DTNA: variants seen among roughly 807,000 people sequenced by gnomAD.
The protein encoded by DTNA is dystrobrevin alpha.
DTNA carries 43 observed loss-of-function variants against 100.7 expected under a neutral mutation model. The ratio of observed to expected loss-of-function variants is 0.43; its 90% confidence interval spans 0.33 to 0.55. DTNA has a LOEUF of 0.55. Among genes scored for constraint, DTNA ranks in the 20% least tolerant of loss-of-function variants. DTNA has a pLI of 0.04. For synonymous variants in DTNA, 349 were observed against 347.9 expected, an observed-to-expected ratio of 1.00 and a Z score of -0.04; for missense variants, 798 against 953.9, an observed-to-expected ratio of 0.84 and a Z score of 2.15.
intron 2 of DTNA, among the ~76,000 whole-genome samples, chr18:34,762,755 C>T (rs891732687): frequency 6.6e-6 from 1 of 152,138 alleles, no homozygotes; most frequent in African/African-American, 2.4e-5. Context: ...TCACCACATC[C>T]CTTTTAATAT....
In DTNA at chr18:34,888,968, T is replaced by C; in HGVS notation, c.*1234T>C. ...CTCTTCTAAGTTGAGTTGGGATTTT[T>C]GCACTCAGTGAAAAGCTGAAGTGCA... On this transcript the variant is annotated 3_prime_UTR_variant, in exon 23 of 23. Transcript: ENST00000444659. 1.0e-6 allele frequency: 1 copy of C among 985,876 alleles called. No homozygotes were observed. The highest frequency in any genetic ancestry group is 1.2e-6 in the Non-Finnish European group (1 of 829,944). The allele number at this position is 985,876 out of a possible 1,614,324, so 61.1% of individuals were successfully genotyped here. A position where few individuals can be genotyped will look rare whatever the true frequency, so the allele number is the denominator to read the frequency against.
rs181338914 is a variant in DTNA, at chr18:34,770,939, C to T, written c.148+4898C>T. 3.7e-4 allele frequency among the ~76,000 whole-genome samples: 56 copies of T among 151,988 alleles called. 1 individual carries two copies. In the East Asian group the frequency reaches 9.8e-3, roughly 27 times the overall value. On this transcript the variant is annotated intron_variant, in intron 3 of 22. Coordinates refer to ENST00000444659, the MANE Select transcript of DTNA (RefSeq NM_001386795.1). The stretch of plus-strand genomic sequence containing the variant: ...CTGGGATTACAGGCGTGCACCACCA[C>T]GCCCGGCTAATTTTGTGTTTTTAGT...
intron 17 of DTNA, among the ~76,000 whole-genome samples, chr18:34,864,282 G>A (rs1411995022): frequency 1.7e-5 from 2 of 120,812 alleles, no homozygotes; most frequent in Non-Finnish European, 3.3e-5. Context: ...ACGGAGTCTT[G>A]CTCTGTCGCC....
intron 1 of DTNA, among the ~76,000 whole-genome samples, chr18:34,731,661 A>C (rs1218247383): frequency 6.6e-6 from 1 of 152,154 alleles, no homozygotes; most frequent in Non-Finnish European, 1.5e-5. Flanking sequence ...CACAATTATA[A>C]TTAATTATTT....
intron 1 of DTNA, among the ~76,000 whole-genome samples, chr18:34,570,217 T>C (rs1209354090): frequency 6.6e-6 from 1 of 151,928 alleles, no homozygotes; most frequent in Non-Finnish European, 1.5e-5. Context: ...ATTTAGGGAG[T>C]TTTTTCGTTC....
chr18:34,687,095 C>T (rs1030889751), intron 1 of DTNA, among the ~76,000 whole-genome samples: 1 of 152,134 alleles, frequency 6.6e-6, no homozygotes, highest in Non-Finnish European at 1.5e-5. Context: ...AAAACCACCT[C>T]CTGGATTCGT....
At chr18:34,871,454 T>C (rs2096765080) in intron 17 of DTNA, among the ~76,000 whole-genome samples, 1 of 152,234 alleles carries the variant, frequency 6.6e-6, no homozygotes, top group Non-Finnish European at 1.5e-5. Flanking sequence ...TTGGGAATTT[T>C]AGATCTATAT....
At chr18:34,579,867 GA>G (rs2048453753) in intron 1 of DTNA, among the ~76,000 whole-genome samples, 2 of 151,996 alleles carry the variant, frequency 1.3e-5, no homozygotes, top group South Asian at 4.1e-4. Context: ...ACCAGTTTTG[GA>G]AATTGTTCAC....
At chr18:34,818,381 AG>A in intron 8 of DTNA, 51 bp downstream of exon 8, 1 of 1,599,680 alleles carries the variant, frequency 6.3e-7, no homozygotes, top group Non-Finnish European at 8.5e-7. Context: ...AGTGTTGCCC[AG>A]AGTTAAAGGG....
At chr18:34,496,222 A>ACACACG (rs1316236351) in intron 1 of DTNA, among the ~76,000 whole-genome samples, 6 of 151,472 alleles carry the variant, frequency 4.0e-5, no homozygotes, top group Non-Finnish European at 7.4e-5. Flanking sequence ...ACACACACAC[A>ACACACG]CACACACACA....
Position 34,766,018 on chromosome 18 carries a change from G to A in DTNA, c.125G>A (p.Arg42Lys). 6.2e-7 allele frequency: 1 copy of A among 1,613,708 alleles called. No homozygotes were observed. The highest frequency in any genetic ancestry group is 8.5e-7 in the Non-Finnish European group (1 of 1,179,744). Residue 42 changes from arginine (R) to lysine (K), a missense_variant, in exon 3 of 23, where the codon AGG becomes AAG. Arg to Lys is a conservative substitution (Grantham distance 26). Transcript: ENST00000444659. The part of the protein sequence containing the change: ...LSTYRTACKL[R>K]FVQKKCNLHL... Reference sequence around the variant, plus strand: ...ACCTACAGAACAGCATGCAAGCTTAGGTTTGTTCAGAAGAAATGCAATTGT... The same window carrying A: ...ACCTACAGAACAGCATGCAAGCTTAAGTTTGTTCAGAAGAAATGCAATTGT...
intron 1 of DTNA, among the ~76,000 whole-genome samples, chr18:34,744,328 G>T (rs919288335): frequency 1.3e-5 from 2 of 152,160 alleles, no homozygotes; most frequent in Non-Finnish European, 2.9e-5. Context: ...AAGCAGCTCT[G>T]TGTTCTGAGT....
rs138590000 is a variant in DTNA, at chr18:34,877,815, T to C, written c.1993+7T>C. 1,141 of 1,612,612 alleles carry C rather than the reference T, an allele frequency of 7.1e-4. 11 individuals are homozygous for C. In the African/African-American group the frequency reaches 0.013, roughly 19 times the overall value. On this transcript the variant is annotated splice_region_variant and intron_variant, in intron 19 of 22. Transcript: ENST00000444659. Reference sequence around the variant, plus strand: ...GTGAAAGAGCTGAATTCTGGTGAGTTCCTGATTCCCTCTCATTTGTCTGCT... The same window carrying C: ...GTGAAAGAGCTGAATTCTGGTGAGTCCCTGATTCCCTCTCATTTGTCTGCT...
chr18:34,783,029 A>G (rs78644647), intron 3 of DTNA, among the ~76,000 whole-genome samples: 1 of 152,344 alleles, frequency 6.6e-6, no homozygotes, highest in East Asian at 1.9e-4. Context: ...AGGAGAAATA[A>G]GATACAAGAT....
intron 1 of DTNA, among the ~76,000 whole-genome samples, chr18:34,664,568 C>T (rs888888141): frequency 2.6e-5 from 4 of 152,100 alleles, no homozygotes; most frequent in African/African-American, 7.2e-5. Context: ...GTTTCTGCTA[C>T]ACCAGCCTTC....
intron 17 of DTNA, among the ~76,000 whole-genome samples, chr18:34,869,024 G>A (rs1242398156): frequency 6.6e-6 from 1 of 152,110 alleles, no homozygotes; most frequent in Non-Finnish European, 1.5e-5. Flanking sequence ...AGAAAGTAAG[G>A]TCTCAATATT....
At chr18:34,871,401 A>G (rs2096764327) in intron 17 of DTNA, among the ~76,000 whole-genome samples, 1 of 152,224 alleles carries the variant, frequency 6.6e-6, no homozygotes, top group South Asian at 2.1e-4. Flanking sequence ...AAATTTGCCA[A>G]GTGTGATATA....
chr18:34,838,615 C>G lies in DTNA; in HGVS notation c.1254-130C>G, dbSNP rs755391115. On this transcript the variant is annotated intron_variant, in intron 12 of 22. Transcript: ENST00000444659. ...CACTTGTGTTTTTCATAGCACATCA[C>G]TTACTACCCTTCCTTTACCTGCTTG... 653 of 762,832 alleles carry G rather than the reference C, an allele frequency of 8.6e-4. 1 individual carries two copies. Among genetic ancestry groups the G allele is most frequent in the Non-Finnish European group, 1.1e-3 (487 of 423,788 alleles). 47.3% of individuals were successfully genotyped at this position (762,832 alleles called of 1,614,324 possible). A position where few individuals can be genotyped will look rare whatever the true frequency, so the allele number is the denominator to read the frequency against.
chr18:34,806,073 G>A (rs2149249579), intron 4 of DTNA, 146 bp from the exon 5 acceptor site: 1 of 675,932 alleles, frequency 1.5e-6, no homozygotes. Flanking sequence ...TTATAAAATG[G>A]ATGTGCCCAC....
Sources: gnomAD v4.1 joint callset for allele counts (sites outside exome capture counted in the v4.1 genomes callset) on GRCh38, gnomAD v4.1.1 for gene constraint, MANE v1.5 for transcripts, NCBI Gene and HGNC (gene_info 2026-07-23, HGNC 2026-07-21) for gene names.